BRD8: variants seen among roughly 807,000 people sequenced by gnomAD.
BRD8 encodes the protein bromodomain-containing protein 8.
Under a neutral mutation model 143.1 loss-of-function variants are expected in BRD8, and 67 were observed. The ratio of observed to expected loss-of-function variants is 0.47; its 90% CI spans 0.38 to 0.57. The LOEUF is 0.57. BRD8 is among the 20% of genes least tolerant of loss of function. BRD8 has a pLI of 0.00. For missense variants in BRD8, 1,103 were observed against 1,503.0 expected (o/e 0.73, Z 4.40); for synonymous variants, 505 against 517.1 (o/e 0.98, Z 0.32).
chr5:138,145,293 C>A (rs777972887), intron 24 of BRD8, 48 bp from the exon 25 acceptor site: 1 of 1,568,104 alleles, frequency 6.4e-7, no homozygotes, highest in Non-Finnish European at 8.7e-7. Flanking sequence ...TGGCAAGGCA[C>A]TCTGAAGGAG....
In BRD8 at chr5:138,145,450, T is replaced by C. The variant is rs143883735; in HGVS notation, c.3369-205A>G. On this transcript the variant is annotated intron_variant, in intron 24 of 26. Transcript: ENST00000254900. ...TTTCACTATTATTACAATATACTGA[T>C]TTAGGGCTCAGAAATTTGTTCAAAG... Among the ~76,000 whole-genome samples the C allele has an allele frequency of 3.7e-3, 564 of 152,304 alleles. 3 individuals are homozygous for C. Among genetic ancestry groups the C allele is most frequent in the African/African-American group, 0.013 (536 of 41,566 alleles).
At chr5:138,148,606 C>A (rs1010070121) in intron 23 of BRD8, among the ~76,000 whole-genome samples, 10 of 152,010 alleles carry the variant, frequency 6.6e-5, no homozygotes, top group African/African-American at 2.4e-4. Flanking sequence ...TGAGCTCAAG[C>A]AATCCTCCTG....
At position 138,164,815 on chromosome 5, in the gene BRD8, A is replaced by G; in HGVS notation, c.1630T>C (p.Leu544=). ...GCAGTACTTCCCAGTTCCTCATCTA[A>G]GTCCTGACTCCTGAGTTCTGGTGGC... The part of the protein sequence containing the change: ...MEPPELRSQD[L]DEELGSTAAG... The change falls in exon 12 of 27, where the codon TTA becomes CTA. Residue 544 remains leucine, a synonymous_variant. Transcript: ENST00000254900. The G allele has an allele frequency of 1.2e-6, 2 of 1,614,158 alleles. No homozygotes were observed. The highest frequency in any genetic ancestry group is 1.7e-6 in the Non-Finnish European group (2 of 1,180,026).
At chr5:138,175,028 T>C (rs1317604014) in intron 2 of BRD8, among the ~76,000 whole-genome samples, 1 of 151,974 alleles carries the variant, frequency 6.6e-6, no homozygotes, top group Non-Finnish European at 1.5e-5. Flanking sequence ...TAGCTGGGAC[T>C]ACAGGCGCAC....
At chr5:138,167,854 G>T in intron 9 of BRD8, 80 bp downstream of exon 9, 1 of 1,306,976 alleles carries the variant, frequency 7.7e-7, no homozygotes, top group Non-Finnish European at 1.1e-6. Context: ...ACTGACAACT[G>T]CTTAGTAACA....
At chr5:138,171,808 G>T (rs1200627541) in intron 3 of BRD8, among the ~76,000 whole-genome samples, 1 of 152,132 alleles carries the variant, frequency 6.6e-6, no homozygotes, top group Admixed American at 6.6e-5. Context: ...ATGGCCCAAA[G>T]TTTTTAGATG....
chr5:138,162,014 T>G (rs776565433), intron 16 of BRD8, 40 bp downstream of exon 16: 2 of 1,588,090 alleles, frequency 1.3e-6, no homozygotes, highest in Non-Finnish European at 1.7e-6. Context: ...CAATGAAGAG[T>G]AGGAGAAAAT....
intron 9 of BRD8, chr5:138,166,993 G>A: frequency 3.3e-6 from 1 of 303,188 alleles, no homozygotes; most frequent in South Asian, 3.3e-5. Flanking sequence ...CGCCTGTAAT[G>A]CTAGCACTTT....
intron 6 of BRD8, 111 bp from the exon 7 acceptor site, chr5:138,170,520 G>A (rs1263908962): frequency 1.8e-6 from 2 of 1,120,096 alleles, no homozygotes; most frequent in Non-Finnish European, 2.7e-6. Flanking sequence ...CTGGAAGAAA[G>A]GCCTAAACAG....
Position 138,149,792 on chromosome 5 carries a change from C to T in BRD8, c.3126G>A (p.Glu1042=). The change falls in exon 23 of 27, where the codon GAG becomes GAA. Residue 1042 remains glutamate, a synonymous_variant. Coordinates refer to ENST00000254900, the MANE Select transcript of BRD8 (RefSeq NM_139199.2). ...QGLLTESEEG[E]AQQESKGEDQ... ...CCTCCCCTTTGGATTCTTGCTGAGC[C>T]TCCCCCTAGGAATGCCAGGAAACAG... 6.2e-7 allele frequency: 1 copy of T among 1,600,496 alleles called. No homozygotes were observed. The highest frequency in any genetic ancestry group is 8.5e-7 in the Non-Finnish European group (1 of 1,176,028).
chr5:138,164,574 C>T (rs1256022002), intron 12 of BRD8, 140 bp downstream of exon 12: 4 of 1,149,528 alleles, frequency 3.5e-6, no homozygotes, highest in South Asian at 1.4e-5. Flanking sequence ...ATATATAACA[C>T]TAATCACAGC....
At chr5:138,148,632 G>T (rs1306713948) in intron 23 of BRD8, among the ~76,000 whole-genome samples, 1 of 152,000 alleles carries the variant, frequency 6.6e-6, no homozygotes, top group Non-Finnish European at 1.5e-5. Context: ...GCCTCCCAAA[G>T]TGCTGAGATT....
rs1168990929 is a variant in BRD8, at chr5:138,163,169, A to C, written c.2048T>G (p.Leu683Arg). 6.2e-7 allele frequency: 1 copy of C among 1,613,992 alleles called. No homozygotes were observed. Among genetic ancestry groups the C allele is most frequent in the African/African-American group, 1.3e-5 (1 of 74,894 alleles). Residue 683 changes from leucine to arginine, a missense_variant, in exon 15 of 27, where the codon CTG becomes CGG. Around this residue, in one of 7 missense-constraint regions of BRD8, gnomAD observed 75 missense variants for 111.7 expected, o/e 0.67. Coordinates refer to ENST00000254900, the MANE Select transcript of BRD8 (RefSeq NM_139199.2). Reference sequence around the variant, plus strand: ...AGGGCTGCTGGGGATGGAGTCTGCCAGTGTGTGTGACTGCAGTGTAGCATT... The same window carrying C: ...AGGGCTGCTGGGGATGGAGTCTGCCCGTGTGTGTGACTGCAGTGTAGCATT... ...IHNATLQSHT[L>R]ADSIPSSPAS...
intron 6 of BRD8, 67 bp downstream of exon 6, chr5:138,170,765 C>A: frequency 1.4e-6 from 2 of 1,406,440 alleles, no homozygotes; most frequent in Admixed American, 3.4e-5. Context: ...GGAAATAAGC[C>A]AGATTACTTG....
At chr5:138,174,738 C>T (rs532669523) in intron 2 of BRD8, among the ~76,000 whole-genome samples, 51 of 152,120 alleles carry the variant, frequency 3.4e-4, no homozygotes, top group African/African-American at 1.2e-3. Flanking sequence ...AAGCAGCCAC[C>T]GTGAACCATA....
At chr5:138,158,720 G>C (rs943107824) in intron 20 of BRD8, among the ~76,000 whole-genome samples, 6 of 151,232 alleles carry the variant, frequency 4.0e-5, no homozygotes, top group Non-Finnish European at 7.4e-5. Flanking sequence ...TGGGACTACA[G>C]GTGTGAGCCA....
rs1449086507 is a variant in BRD8 at position 138,166,514 on chromosome 5, G to A, written c.997+4C>T. On this transcript the variant is annotated splice_donor_region_variant and intron_variant, in intron 10 of 26. Transcript: ENST00000254900. ...TTAGATCTAGTGGCTGCTCAGGGAC[G>A]CACCTGGAGCTACACTTTCAGTAGT... 1 of 1,583,966 alleles carries A rather than the reference G, an allele frequency of 6.3e-7. No individual in the cohort carries two copies.
chr5:138,168,853 T>C (rs1220167630), intron 8 of BRD8, among the ~76,000 whole-genome samples: 3 of 152,062 alleles, frequency 2.0e-5, no homozygotes, highest in Admixed American at 2.0e-4. Context: ...TTCCCCACAA[T>C]CTTCTCTTTC....
chr5:138,142,513 C>T (rs1168933226), intron 25 of BRD8, among the ~76,000 whole-genome samples: 2 of 152,060 alleles, frequency 1.3e-5, no homozygotes, highest in Non-Finnish European at 2.9e-5. Context: ...GCCTGTAATC[C>T]CAGCACTTTG....
Sources: allele counts gnomAD v4.1 joint callset (sites outside exome capture counted in the v4.1 genomes callset), GRCh38; gene constraint gnomAD v4.1.1; regional missense constraint gnomAD v4.1.1; transcripts MANE v1.5; gene names NCBI Gene and HGNC (gene_info 2026-07-23, HGNC 2026-07-21).